Variants in LHX3 observed in about 807,000 individuals in gnomAD.
LHX3 encodes the protein LIM/homeobox protein Lhx3.
A neutral mutation model predicts 32.4 loss-of-function variants in LHX3; 21 were observed. That is an observed-to-expected ratio of 0.65 (90% CI 0.46 to 0.93). The LOEUF (loss-of-function observed/expected upper bound fraction) is 0.93. LHX3 is among the 40% of genes least tolerant of loss of function. LHX3 has a pLI of 0.00. For missense variants in LHX3, 626 were observed against 560.0 expected (o/e 1.12, Z -1.19); for synonymous variants, 258 against 246.8 (o/e 1.05, Z -0.43).
At chr9:136,204,831 C>T in intron 1 of LHX3, 103 bp downstream of exon 1, 1 of 922,524 alleles carries the variant, frequency 1.1e-6, no homozygotes, top group Non-Finnish European at 1.7e-6. Context: ...GCCTGCAGAG[C>T]GGCGGGACTT....
In LHX3 at chr9:136,197,597, C is replaced by G. The variant is rs1831526589; in HGVS notation, c.922G>C (p.Glu308Gln). 6 of 1,547,154 alleles carry G rather than the reference C, an allele frequency of 3.9e-6. No individual in the cohort carries two copies. The highest frequency in any genetic ancestry group is 4.4e-6 in the Non-Finnish European group (5 of 1,145,354). ...GGLAGPEQYR[E>Q]LRPGSPYGVP... Reference sequence around the variant, plus strand: ...CCGTAGGGGCTGCCGGGACGCAGCTCTCGGTACTGCTCTGGGCCTGCCAGG... The same window carrying G: ...CCGTAGGGGCTGCCGGGACGCAGCTGTCGGTACTGCTCTGGGCCTGCCAGG... Residue 308 changes from glutamate to glutamine, a missense_variant, in exon 6 of 6, where the codon GAG becomes CAG. Transcript: ENST00000371748.
rs747980393 is a variant in LHX3 at position 136,197,727 on chromosome 9, C to T, written c.792G>A (p.Ala264=). The T allele has an allele frequency of 1.3e-5, 21 of 1,602,800 alleles. No homozygotes were observed. Among genetic ancestry groups the T allele is most frequent in the African/African-American group, 6.7e-5 (5 of 74,922 alleles). Residue 264 remains alanine, a synonymous_variant, in exon 6 of 6, where the codon GCG becomes GCA. Transcript: ENST00000371748. Reference sequence around the variant, plus strand: ...AGAGGCCATTGGCCGGGCCCATTTCCGCCAAGGAAGGCTCATCTGCAACAG... The same window carrying T: ...AGAGGCCATTGGCCGGGCCCATTTCTGCCAAGGAAGGCTCATCTGCAACAG... ...EVSFPDEPSL[A]EMGPANGLYG...
At position 136,203,396 on chromosome 9, in the gene LHX3, C is replaced by G. The variant is rs539528722; in HGVS notation, c.79+1538G>C. ...CAGGGCTTCCCGCCAGCGTTCGTCCCGGCCCCGCAGCTTCCTGCGCCGGAG... is the reference window on the plus strand; with the variant it reads ...CAGGGCTTCCCGCCAGCGTTCGTCCGGGCCCCGCAGCTTCCTGCGCCGGAG... On this transcript the variant is annotated intron_variant, in intron 1 of 5. Coordinates refer to ENST00000371748, the MANE Select transcript of LHX3 (RefSeq NM_178138.6). Among the ~76,000 whole-genome samples the G allele has an allele frequency of 1.8e-3, 272 of 152,286 alleles. 1 individual carries two copies. The highest frequency in any genetic ancestry group is 6.5e-3 in the African/African-American group (269 of 41,574).
chr9:136,201,576 T>C, intron 1 of LHX3: 1 of 1,047,828 alleles, frequency 9.5e-7, no homozygotes, highest in Non-Finnish European at 1.1e-6. Context: ...AAAAAGTCTC[T>C]GGAAGAGAGG....
At chr9:136,204,354 C>A (rs1428631491) in intron 1 of LHX3, among the ~76,000 whole-genome samples, 1 of 152,218 alleles carries the variant, frequency 6.6e-6, no homozygotes, top group African/African-American at 2.4e-5. Context: ...CGAGTGTGTG[C>A]GGGCTGTGCT....
rs1476930161 is a variant in LHX3 at position 136,197,393 on chromosome 9, C to T, written c.1126G>A (p.Gly376Arg). ...CTGGCAGGGAAGTCGGGGTAACCCC[C>T]GCTGCTCCCCGTGGATAGGTCAGAA... ...PSSDLSTGSS[G>R]GYPDFPASPA... The change falls in exon 6 of 6, where the codon GGG (glycine) becomes AGG (arginine). Residue 376 changes from glycine to arginine, a missense_variant. By Grantham distance (125) the Gly-to-Arg change is moderately radical (BLOSUM62 -2). Transcript: ENST00000371748. 6.8e-6 allele frequency: 11 copies of T among 1,610,752 alleles called. No individual in the cohort carries two copies. Among genetic ancestry groups the T allele is most frequent in the Admixed American group, 3.3e-5 (2 of 59,872 alleles).
intron 3 of LHX3, 54 bp from the exon 4 acceptor site, chr9:136,199,113 C>T: frequency 9.2e-7 from 1 of 1,088,176 alleles, no homozygotes; most frequent in South Asian, 2.8e-5. Flanking sequence ...CCGGCCGGAC[C>T]CCCAGCCCTC....
At position 136,201,548 on chromosome 9, in the gene LHX3, G is replaced by A. The variant is rs969667984; in HGVS notation, c.80-795C>T. ...GGTTTTCCAGGTGTCAAGGGCTGAG[G>A]ACTCCCTCTTCACTTAGAAAAAGTC... On this transcript the variant is annotated intron_variant, in intron 1 of 5. Coordinates refer to ENST00000371748, the MANE Select transcript of LHX3 (RefSeq NM_178138.6). 2.0e-5 allele frequency: 22 copies of A among 1,105,720 alleles called. No homozygotes were observed. In the Admixed American group the frequency reaches 7.1e-4, roughly 36 times the overall value. 68.5% of individuals were successfully genotyped at this position (1,105,720 alleles called of 1,614,324 possible). A position where few individuals can be genotyped will look rare whatever the true frequency, so the allele number is the denominator to read the frequency against.
In LHX3 at chr9:136,197,217, C is replaced by T. The variant is rs2131029395; in HGVS notation, c.*108G>A. On this transcript the variant is annotated 3_prime_UTR_variant, in exon 6 of 6. Transcript: ENST00000371748. ...CAGTGGGAGGCTCCGAAGGCACCAG[C>T]CCTCCCTTGACGCCCTGGCCCCACT... 8.3e-7 allele frequency: 1 copy of T among 1,204,402 alleles called. No homozygotes were observed. Among genetic ancestry groups the T allele is most frequent in the Non-Finnish European group, 1.2e-6 (1 of 835,018 alleles). The allele number at this position is 1,204,402 out of a possible 1,614,324, so 74.6% of individuals were successfully genotyped here.
chr9:136,201,859 G>A (rs1209718574), intron 1 of LHX3, among the ~76,000 whole-genome samples: 1 of 152,212 alleles, frequency 6.6e-6, no homozygotes, highest in Non-Finnish European at 1.5e-5. Flanking sequence ...AGCGATCGCA[G>A]GCGAGGACCC....
In LHX3 at chr9:136,197,589, A is replaced by T. The variant is rs1259073676; in HGVS notation, c.930T>A (p.Arg310=). The T allele has an allele frequency of 6.5e-7, 1 of 1,540,310 alleles. No individual in the cohort carries two copies. The highest frequency in any genetic ancestry group is 2.4e-5 in the East Asian group (1 of 41,002). The change falls in exon 6 of 6, where the codon CGT becomes CGA. Residue 310 remains arginine, a synonymous_variant. Transcript: ENST00000371748. ...LAGPEQYREL[R]PGSPYGVPPS... is the part of the protein sequence containing the mutation. ...GGGGGACACCGTAGGGGCTGCCGGGACGCAGCTCTCGGTACTGCTCTGGGC... is the reference window on the plus strand; with the variant it reads ...GGGGGACACCGTAGGGGCTGCCGGGTCGCAGCTCTCGGTACTGCTCTGGGC...
chr9:136,204,571 G>C (rs929969698), intron 1 of LHX3, among the ~76,000 whole-genome samples: 10 of 152,154 alleles, frequency 6.6e-5, no homozygotes, highest in South Asian at 4.1e-4. Flanking sequence ...ACACAGGCTT[G>C]GGTCCCCTGC....
At chr9:136,199,309 A>G (rs1036211535) in intron 3 of LHX3, among the ~76,000 whole-genome samples, 9 of 152,046 alleles carry the variant, frequency 5.9e-5, no homozygotes, top group Admixed American at 3.9e-4. Flanking sequence ...CTTCCCTAAA[A>G]TCGCACCTCC....
chr9:136,201,437 A>G, intron 1 of LHX3: 1 of 1,222,526 alleles, frequency 8.2e-7, no homozygotes, highest in Non-Finnish European at 1.0e-6. Flanking sequence ...TGCCCCCCAC[A>G]CCCCACTTCG....
intron 1 of LHX3, 32 bp from the exon 2 acceptor site, chr9:136,200,785 G>C (rs373999718): frequency 1.2e-6 from 2 of 1,612,068 alleles, no homozygotes; most frequent in East Asian, 2.2e-5. Flanking sequence ...GGGTCACCTC[G>C]TAGACCAGGA....
In LHX3 at chr9:136,197,467, G is replaced by T. The variant is rs1186086532; in HGVS notation, c.1052C>A (p.Ala351Asp). ...DTSLGLVPSGAPGGPPPMRVL... is the reference protein window; with the variant it reads ...DTSLGLVPSGDPGGPPPMRVL... Reference sequence around the variant, plus strand: ...CCTCATGGGTGGGGGCCCGCCGGGGGCTCCCGAGGGCACAAGGCCCAAGCT... The same window carrying T: ...CCTCATGGGTGGGGGCCCGCCGGGGTCTCCCGAGGGCACAAGGCCCAAGCT... The change falls in exon 6 of 6, where the codon GCC becomes GAC. Residue 351 changes from alanine (A) to aspartate (D), a missense_variant. Transcript: ENST00000371748. The T allele has an allele frequency of 6.4e-7, 1 of 1,572,546 alleles. No individual in the cohort carries two copies. Among genetic ancestry groups the T allele is most frequent in the East Asian group, 2.4e-5 (1 of 42,374 alleles).
chr9:136,197,653 G>A lies in LHX3; in HGVS notation c.866C>T (p.Ala289Val). The change falls in exon 6 of 6, where the codon GCC becomes GTC. Residue 289 changes from alanine to valine, a missense_variant. Transcript: ENST00000371748. Reference sequence around the variant, plus strand: ...ATGCTCCAGGGAGAAGTTGCCCAGGGCTCCCGAGGGCCGGCCCAAGGCCTG... The same window carrying A: ...ATGCTCCAGGGAGAAGTTGCCCAGGACTCCCGAGGGCCGGCCCAAGGCCTG... ...PTQALGRPSG[A>V]LGNFSLEHGG... 6.3e-7 allele frequency: 1 copy of A among 1,597,048 alleles called. No homozygotes were observed. The highest frequency in any genetic ancestry group is 8.5e-7 in the Non-Finnish European group (1 of 1,174,056).
At chr9:136,198,625 C>CT (rs762392581) in intron 5 of LHX3, 27 bp downstream of exon 5, 2 of 1,559,626 alleles carry the variant, frequency 1.3e-6, no homozygotes, top group Non-Finnish European at 1.7e-6. Flanking sequence ...CTCGTCCCCC[C>CT]CCGAGCTCCG....
intron 1 of LHX3, among the ~76,000 whole-genome samples, chr9:136,203,708 G>A (rs1209776891): frequency 1.3e-5 from 2 of 152,238 alleles, no homozygotes; most frequent in African/African-American, 4.8e-5. Flanking sequence ...CAATCCTTGA[G>A]AGAGAACAGG....
Sources: gnomAD v4.1 joint callset for allele counts (sites outside exome capture counted in the v4.1 genomes callset) on GRCh38, gnomAD v4.1.1 for gene constraint, MANE v1.5 for transcripts, NCBI Gene and HGNC (gene_info 2026-07-23, HGNC 2026-07-21) for gene names.